CCDC138: variants seen among roughly 807,000 people sequenced by gnomAD.
CCDC138 encodes coiled-coil domain-containing protein 138.
CCDC138 carries 66 observed loss-of-function variants against 82.3 expected under a neutral mutation model. The observed-to-expected ratio is 0.80, with a 90% confidence interval of 0.66 to 0.98. The LOEUF (loss-of-function observed/expected upper bound fraction) is 0.98. Among genes scored for constraint, CCDC138 ranks in the 50% least tolerant of loss-of-function variants. The pLI is 0.00. For synonymous variants in CCDC138, 297 were observed against 265.4 expected, an observed-to-expected ratio of 1.12 and a Z score of -1.16; for missense variants, 816 against 758.9, an observed-to-expected ratio of 1.08 and a Z score of -0.88.
rs549861146 is a variant in CCDC138, at chr2:108,874,290, T to C, written c.1832+701T>C. Among the ~76,000 whole-genome samples, 20 of 152,320 alleles carry C rather than the reference T, an allele frequency of 1.3e-4. No individual in the cohort carries two copies. The South Asian group carries it at 2.7e-3, about 21-fold the overall frequency. ...CGGGATTTATTTTAGTAAACTCTTA[T>C]GGACTGCCTACTGCCACTAATTTGG... On this transcript the variant is annotated intron_variant, in intron 14 of 14. Coordinates refer to ENST00000295124, the MANE Select transcript of CCDC138 (RefSeq NM_144978.3).
At chr2:108,798,618 A>T in intron 6 of CCDC138, 32 bp downstream of exon 6, 2 of 1,499,874 alleles carry the variant, frequency 1.3e-6, no homozygotes, top group Non-Finnish European at 1.8e-6. Flanking sequence ...TTAGAGTGGT[A>T]TATTTCTTCT....
chr2:108,832,307 G>A (rs1298809876), intron 10 of CCDC138, among the ~76,000 whole-genome samples: 1 of 150,142 alleles, frequency 6.7e-6, no homozygotes, highest in South Asian at 2.1e-4. Context: ...GATTACAGGC[G>A]TGACCCACCA....
intron 12 of CCDC138, among the ~76,000 whole-genome samples, chr2:108,851,713 G>C (rs764060241): frequency 8.5e-5 from 13 of 152,154 alleles, no homozygotes; most frequent in Admixed American, 4.6e-4. Context: ...GAAAGTCCAG[G>C]AAAGATTAGA....
At chr2:108,809,754 G>C (rs1683478958) in intron 7 of CCDC138, among the ~76,000 whole-genome samples, 1 of 152,046 alleles carries the variant, frequency 6.6e-6, no homozygotes, top group Non-Finnish European at 1.5e-5. Context: ...TTGCATTGAA[G>C]ATCATGTCAT....
chr2:108,882,169 A>G (rs1161756650), intron 1 of CCDC138: 1 of 152,284 alleles, frequency 6.6e-6, no homozygotes, highest in Non-Finnish European at 1.5e-5. Context: ...AAAAAAAAAG[A>G]AAAAATAGAT....
chr2:108,825,315 T>C (rs1225328962), intron 10 of CCDC138, among the ~76,000 whole-genome samples: 1 of 152,152 alleles, frequency 6.6e-6, no homozygotes. Flanking sequence ...TATTGAGATA[T>C]AATTCACATA....
At chr2:108,798,820 C>CAT (rs1681382330) in intron 6 of CCDC138, among the ~76,000 whole-genome samples, 1 of 118,452 alleles carries the variant, frequency 8.4e-6, no homozygotes, top group South Asian at 2.3e-4. Context: ...CACACCTACA[C>CAT]ACACACACAC....
intron 13 of CCDC138, among the ~76,000 whole-genome samples, chr2:108,858,172 C>T (rs770298706): frequency 2.8e-4 from 43 of 152,078 alleles, no homozygotes; most frequent in Non-Finnish European, 4.4e-4. Context: ...GGTGAAACCC[C>T]GTCTGTACTA....
chr2:108,796,720 C>T (rs1179339865), intron 5 of CCDC138, among the ~76,000 whole-genome samples: 1 of 152,040 alleles, frequency 6.6e-6, no homozygotes, highest in Non-Finnish European at 1.5e-5. Context: ...AAGCCAGGCA[C>T]AGAAGGACAG....
intron 10 of CCDC138, among the ~76,000 whole-genome samples, chr2:108,831,700 T>TTCCTTCCTTCCTTC (rs1553418473): frequency 2.8e-5 from 4 of 145,260 alleles, no homozygotes; most frequent in East Asian, 4.2e-4. Context: ...TGGCACAGAA[T>TTCCTTCCTTCCTTC]CTTCCTTCCT....
At chr2:108,791,932 CT>C in intron 4 of CCDC138, 130 bp downstream of exon 4, 1 of 923,454 alleles carries the variant, frequency 1.1e-6, no homozygotes, top group Non-Finnish European at 1.5e-6. Context: ...CTTCTGTAAG[CT>C]AGGAGATAGT....
At chr2:108,810,946 A>G (rs750800102) in intron 7 of CCDC138, among the ~76,000 whole-genome samples, 1 of 151,940 alleles carries the variant, frequency 6.6e-6, no homozygotes. Context: ...CATTTCCTCT[A>G]GGTTTTCCGG....
intron 13 of CCDC138, among the ~76,000 whole-genome samples, chr2:108,861,829 G>T (rs888202588): frequency 6.6e-6 from 1 of 151,948 alleles, no homozygotes; most frequent in South Asian, 2.1e-4. Context: ...GAGCCACCGC[G>T]CCCAGCCTAA....
intron 2 of CCDC138, chr2:108,884,716 G>A (rs1487634949): frequency 1.3e-5 from 2 of 152,142 alleles, no homozygotes; most frequent in Non-Finnish European, 2.9e-5. Context: ...TGTCCTCCCG[G>A]ATAGGACTCT....
chr2:108,804,576 A>G (rs1682519920), intron 6 of CCDC138, among the ~76,000 whole-genome samples: 1 of 152,220 alleles, frequency 6.6e-6, no homozygotes. Flanking sequence ...CATGATGTCA[A>G]AGAAAATATT....
At chr2:108,842,206 T>G (rs943171230) in intron 11 of CCDC138, among the ~76,000 whole-genome samples, 4 of 151,708 alleles carry the variant, frequency 2.6e-5, no homozygotes, top group African/African-American at 9.7e-5. Context: ...TAAAAAGTTT[T>G]TTTTTTTTTT....
intron 12 of CCDC138, among the ~76,000 whole-genome samples, chr2:108,849,869 T>C (rs906576925): frequency 6.6e-6 from 1 of 152,214 alleles, no homozygotes; most frequent in Non-Finnish European, 1.5e-5. Flanking sequence ...TGAATGCTGA[T>C]GAGTCTCAGG....
intron 10 of CCDC138, among the ~76,000 whole-genome samples, chr2:108,836,442 G>A (rs1018496260): frequency 6.6e-6 from 1 of 152,192 alleles, no homozygotes; most frequent in African/African-American, 2.4e-5. Flanking sequence ...CATGGCTATT[G>A]TGAATAGTGC....
chr2:108,799,253 A>G (rs189574152), intron 6 of CCDC138, among the ~76,000 whole-genome samples: 2 of 152,354 alleles, frequency 1.3e-5, no homozygotes, highest in African/African-American at 4.8e-5. Context: ...ATTTTTGGCA[A>G]GGATATTGTA....
Sources: gnomAD v4.1 joint callset for allele counts (sites outside exome capture counted in the v4.1 genomes callset) on GRCh38, gnomAD v4.1.1 for gene constraint, MANE v1.5 for transcripts, NCBI Gene and HGNC (gene_info 2026-07-23, HGNC 2026-07-21) for gene names.